The following LCTL variants were observed in gnomAD, a reference collection of about 807,000 sequenced individuals.
LCTL encodes lactase like, also known as lactase-like protein.
LCTL carries 76 observed loss-of-function variants against 75.8 expected under a neutral mutation model. The ratio of observed to expected loss-of-function variants is 1.00; its 90% confidence interval spans 0.83 to 1.21. The LOEUF (loss-of-function observed/expected upper bound fraction) is 1.21, where lower values mean the gene tolerates loss of function less well. Among genes scored for constraint, LCTL ranks in the 50% most tolerant of loss-of-function variants. The pLI is 0.00. For missense variants in LCTL, 670 were observed against 712.4 expected (o/e 0.94, Z 0.68); for synonymous variants, 271 against 268.8 (o/e 1.01, Z -0.08).
At chr15:66,548,604 C>T (rs1462144701) in exon 13 of LCTL, 1 of 1,543,858 alleles carries the variant, frequency 6.5e-7, no homozygotes, top group Non-Finnish European at 9.0e-7. Flanking sequence ...TTAGCAAGGG[C>T]TCTGAAATGA....
intron 11 of LCTL, 90 bp downstream of exon 12, chr15:66,551,572 G>A: frequency 9.8e-7 from 1 of 1,023,138 alleles, no homozygotes. Context: ...ATGGAGGAAA[G>A]AGAAGAGAAA....
intron 8 of LCTL, among the ~76,000 whole-genome samples, chr15:66,553,754 C>CAA (rs35718768): frequency 0.14 from 10,425 of 72,832 alleles, 554 homozygotes; most frequent in Middle Eastern, 0.24. Flanking sequence ...GACTCCATCT[C>CAA]AAAAAAAAAA....
exon 9 of LCTL, chr15:66,553,046 G>T (rs375531381): frequency 6.3e-7 from 1 of 1,593,454 alleles, no homozygotes; most frequent in African/African-American, 1.3e-5. Flanking sequence ...TTAGACCCCA[G>T]ATCTGGCCAG....
chr15:66,558,097 C>G lies in LCTL; in HGVS notation c.706-61G>C, dbSNP rs1895787471. 4.2e-6 allele frequency: 6 copies of G among 1,433,804 alleles called. No individual in the cohort carries two copies. In the African/African-American group the frequency reaches 7.1e-5, roughly 17 times the overall value. 88.8% of individuals were successfully genotyped at this position (1,433,804 alleles called of 1,614,324 possible). ...GCCCATCCATTTCCTCCCTTTCAAT[C>G]TGAGTGGCCTTTCTTTGCTTCCTAA... On this transcript the variant is annotated intron_variant, in intron 6 of 12. Coordinates refer to ENST00000341509, the Ensembl canonical transcript of LCTL.
At chr15:66,553,103 G>T (rs1442865164) in exon 9 of LCTL, 6 of 1,611,328 alleles carry the variant, frequency 3.7e-6, no homozygotes, top group Non-Finnish European at 5.1e-6. Context: ...TGGTAGCTGG[G>T]CCCCTGGCGG....
At chr15:66,564,897 GA>G in intron 1 of LCTL, 58 bp from the exon 3 acceptor site, 1 of 1,539,956 alleles carries the variant, frequency 6.5e-7, no homozygotes, top group Non-Finnish European at 8.8e-7. Flanking sequence ...CCAGAGCCAG[GA>G]CTCTGGGCTG....
exon 13 of LCTL, chr15:66,548,589 G>T: frequency 6.2e-7 from 1 of 1,604,422 alleles, no homozygotes; most frequent in Non-Finnish European, 8.5e-7. Flanking sequence ...CCATTTGCAT[G>T]TGACTTAGCA....
At position 66,561,036 on chromosome 15, in the gene LCTL, G is replaced by A. The variant is rs760688523; in HGVS notation, c.675C>T (p.Gly225=). The stretch of plus-strand genomic sequence containing the variant: ...TGATGTGGTGTGCTGCCTTGTACAG[G>A]CCGGTGCCGCGGAGCTTCAGGCCCG... Residue 225 remains glycine (G), a synonymous_variant, in exon 6 of 13, where the codon GGC becomes GGT. Coordinates refer to ENST00000341509, the Ensembl canonical transcript of LCTL. The A allele has an allele frequency of 1.9e-6, 3 of 1,614,116 alleles. No homozygotes were observed. In the South Asian group the frequency reaches 3.3e-5, roughly 18 times the overall value.
At chr15:66,561,034 A>T in exon 6 of LCTL, 1 of 1,614,110 alleles carries the variant, frequency 6.2e-7, no homozygotes, top group Non-Finnish European at 8.5e-7. Flanking sequence ...TGCCTTGTAC[A>T]GGCCGGTGCC....
At chr15:66,550,154 C>A in intron 11 of LCTL, 50 bp from the exon 13 acceptor site, 3 of 1,140,550 alleles carry the variant, frequency 2.6e-6, no homozygotes, top group Non-Finnish European at 2.6e-6. Flanking sequence ...TAATTTTTTG[C>A]TGTTTCAAAT....
At chr15:66,548,428 G>A in exon 13 of LCTL, 1 of 834,246 alleles carries the variant, frequency 1.2e-6, no homozygotes, top group Non-Finnish European at 1.9e-6. Flanking sequence ...AACCCTCAAA[G>A]CAGAAAAGGG....
chr15:66,561,418 C>A, intron 4 of LCTL, 103 bp from the exon 6 acceptor site: 1 of 1,277,468 alleles, frequency 7.8e-7, no homozygotes. Flanking sequence ...AGGGAGGCCG[C>A]ACAGGGAGAC....
intron 11 of LCTL, 77 bp from the exon 13 acceptor site, chr15:66,550,181 G>A: frequency 2.5e-6 from 2 of 805,508 alleles, no homozygotes; most frequent in Non-Finnish European, 2.1e-6. Flanking sequence ...TGAAATAAAT[G>A]TGGGGTAAAA....
intron 12 of LCTL, chr15:66,549,254 C>G (rs1895501845): frequency 6.6e-6 from 1 of 151,996 alleles, no homozygotes; most frequent in Admixed American, 6.6e-5. Flanking sequence ...ACATTTCAAC[C>G]TTGTTTATTT....
chr15:66,548,372 GA>G, exon 13 of LCTL: 1 of 497,360 alleles, frequency 2.0e-6, no homozygotes. Context: ...AAGAGAAAGA[GA>G]AAAAAAGGTA....
intron 4 of LCTL, among the ~76,000 whole-genome samples, chr15:66,562,052 C>T (rs1284545266): frequency 6.6e-6 from 1 of 152,150 alleles, no homozygotes; most frequent in East Asian, 1.9e-4. Context: ...TTTCCTCCCA[C>T]CTCCTGCCCA....
At chr15:66,548,511 G>A (rs1261868152) in exon 13 of LCTL, 4 of 1,606,404 alleles carry the variant, frequency 2.5e-6, no homozygotes, top group East Asian at 2.2e-5. Flanking sequence ...TCCTCAGGAG[G>A]AGCATTAGTA....
intron 8 of LCTL, among the ~76,000 whole-genome samples, chr15:66,555,324 T>C (rs968245265): frequency 1.0e-4 from 15 of 150,248 alleles, no homozygotes; most frequent in African/African-American, 3.7e-4. Flanking sequence ...TGAGATGGAG[T>C]CTTGCTCCAT....
At chr15:66,564,346 A>G (rs1286824843) in intron 2 of LCTL, 2 of 470,114 alleles carry the variant, frequency 4.3e-6, no homozygotes, top group Non-Finnish European at 7.6e-6. Context: ...ACAAGCAGGG[A>G]CCAGGGGTTC....
Sources: allele counts gnomAD v4.1 joint callset (sites outside exome capture counted in the v4.1 genomes callset), GRCh38; gene constraint gnomAD v4.1.1; transcripts MANE v1.5; gene names NCBI Gene and HGNC (gene_info 2026-07-23, HGNC 2026-07-21).